ZNF460: variants seen among roughly 807,000 people sequenced by gnomAD.
The protein encoded by ZNF460 is zinc finger protein 272.
ZNF460 carries 1 observed loss-of-function variant against 8.4 expected under a neutral mutation model. The ratio of observed to expected loss-of-function variants is 0.12; its 90% CI spans 0.04 to 0.56. ZNF460 has a LOEUF of 0.56. Among genes scored for constraint, ZNF460 ranks in the 20% least tolerant of loss-of-function variants. The pLI, the probability that ZNF460 is intolerant of heterozygous loss-of-function variation, is 0.91. For synonymous variants in ZNF460, 262 were observed against 259.9 expected, an observed-to-expected ratio of 1.01 and a Z score of -0.08; for missense variants, 477 against 714.8, an observed-to-expected ratio of 0.67 and a Z score of 3.79.
At chr19:57,290,152 C>T (rs1378734434) in intron 2 of ZNF460, among the ~76,000 whole-genome samples, 1 of 151,372 alleles carries the variant, frequency 6.6e-6, no homozygotes, top group Non-Finnish European at 1.5e-5. Flanking sequence ...AAAAAATAAA[C>T]AAAAAAAAGC....
Position 57,292,235 on chromosome 19 carries a change from T to C in ZNF460, c.*5T>C, listed in dbSNP as rs574950289. Reference sequence around the variant, plus strand: ...GAAGAAACCCTACCATTGTAACAGATGTGGAAAGACTTTTTACGTACACTT... The same window carrying C: ...GAAGAAACCCTACCATTGTAACAGACGTGGAAAGACTTTTTACGTACACTT... On this transcript the variant is annotated 3_prime_UTR_variant, in exon 3 of 3. Transcript: ENST00000360338. 2.5e-6 allele frequency: 4 copies of C among 1,603,166 alleles called. No individual in the cohort carries two copies. In the Admixed American group the frequency reaches 6.8e-5, roughly 27 times the overall value.
intron 1 of ZNF460, among the ~76,000 whole-genome samples, chr19:57,283,256 G>A (rs1357938351): frequency 6.6e-6 from 1 of 151,242 alleles, no homozygotes. Flanking sequence ...TGCAACCATC[G>A]CCTCCGACGT....
intron 1 of ZNF460, among the ~76,000 whole-genome samples, chr19:57,281,602 G>T (rs1297797212): frequency 1.1e-5 from 1 of 91,534 alleles, no homozygotes; most frequent in East Asian, 3.4e-4. Context: ...GTCTTGTTCT[G>T]TCGCCCAGGC....
At position 57,293,631 on chromosome 19, in the gene ZNF460, C is replaced by T. The variant is rs1233721999; in HGVS notation, c.*1401C>T. 1 of 152,156 alleles carries T rather than the reference C, an allele frequency of 6.6e-6. No individual in the cohort carries two copies. The allele number at this position is 152,156 out of a possible 1,614,324, so 9.4% of individuals were successfully genotyped here. ...ATTTCTTTGTGTTTAGAAACATTCA[C>T]AGTCTGCTTTTCTAGCTATTTGAAA... On this transcript the variant is annotated 3_prime_UTR_variant, in exon 3 of 3. Transcript: ENST00000360338.
chr19:57,284,017 A>G (rs2087861145), intron 1 of ZNF460, among the ~76,000 whole-genome samples: 1 of 151,850 alleles, frequency 6.6e-6, no homozygotes, highest in African/African-American at 2.4e-5. Context: ...CACAGGGAGG[A>G]TTGGTAAGAC....
rs1406571118 is a variant in ZNF460, at chr19:57,292,165, A to G, written c.1624A>G (p.Ile542Val). The G allele has an allele frequency of 7.4e-6, 12 of 1,614,088 alleles. No individual in the cohort carries two copies. The highest frequency in any genetic ancestry group is 5.5e-5 in the South Asian group (5 of 91,086). Reference sequence around the variant, plus strand: ...TGCAGTGAATATGGAAACGCCTTCAATTGCCGCTCATTCCTCCTCACTCGA... The same window carrying G: ...TGCAGTGAATATGGAAACGCCTTCAGTTGCCGCTCATTCCTCCTCACTCGA... ...VSAVNMETPS[I>V]AAHSSSLDIN... The change falls in exon 3 of 3, where the codon ATT becomes GTT. Residue 542 changes from isoleucine to valine, a missense_variant. Transcript: ENST00000360338.
chr19:57,283,992 A>G (rs976868333), intron 1 of ZNF460, among the ~76,000 whole-genome samples: 20 of 152,058 alleles, frequency 1.3e-4, no homozygotes, highest in Admixed American at 7.9e-4. Context: ...TAAACCTGTC[A>G]GCATGAGGCA....
At chr19:57,280,071 G>C (rs2087824858), upstream of ZNF460, 1 of 152,294 alleles carries the variant, frequency 6.6e-6, no homozygotes, top group Non-Finnish European at 1.5e-5. Flanking sequence ...TCTATGAAAA[G>C]ATCCAGAAAA....
In ZNF460 at chr19:57,291,928, C is replaced by T. The variant is rs2087920685; in HGVS notation, c.1387C>T (p.Leu463=). ...CGKAFCRTTN[L]IRHFSIHTGE... ...GAAAGCCTTTTGTCGGACCACAAAC[C>T]TGATTCGACACTTTAGCATCCACAC... Residue 463 remains leucine (L), a synonymous_variant, in exon 3 of 3, where the codon CTG becomes TTG. Transcript: ENST00000360338. This position sits in a 1 kb window ranked among gnomAD's most constrained non-coding sequence, Gnocchi z 8.4. 1.9e-6 allele frequency: 3 copies of T among 1,613,942 alleles called. No homozygotes were observed. The highest frequency in any genetic ancestry group is 3.3e-5 in the Admixed American group (2 of 59,992).
rs570684228 is a variant in ZNF460 at position 57,280,643 on chromosome 19, G to T, written c.-164G>T. ...CCCACCGGCGCCCGCCGAGGCCTAG[G>T]CCTCCGCAGCCGCCCTCCGTCTCCT... On this transcript the variant is annotated 5_prime_UTR_variant, in exon 1 of 3. Coordinates refer to ENST00000360338, the MANE Select transcript of ZNF460 (RefSeq NM_006635.4). The T allele has an allele frequency of 3.9e-5, 39 of 1,001,568 alleles. No individual in the cohort carries two copies. Among genetic ancestry groups the T allele is most frequent in the Admixed American group, 1.8e-4 (7 of 37,974 alleles). The allele number at this position is 1,001,568 out of a possible 1,614,324, so 62.0% of individuals were successfully genotyped here. A position where few individuals can be genotyped will look rare whatever the true frequency, so the allele number is the denominator to read the frequency against.
In ZNF460 at chr19:57,292,535, C is replaced by A; in HGVS notation, c.*305C>A. The A allele has an allele frequency of 3.8e-6, 1 of 259,796 alleles. No homozygotes were observed. The highest frequency in any genetic ancestry group is 7.4e-6 in the Non-Finnish European group (1 of 135,208). 16.1% of individuals were successfully genotyped at this position (259,796 alleles called of 1,614,324 possible). ...ACTGTGCACTTAGGAAAACCTTCAGCCACATCTTTCTTATTAGTTTACAGT... is the reference window on the plus strand; with the variant it reads ...ACTGTGCACTTAGGAAAACCTTCAGACACATCTTTCTTATTAGTTTACAGT... On this transcript the variant is annotated 3_prime_UTR_variant, in exon 3 of 3. Coordinates refer to ENST00000360338, the MANE Select transcript of ZNF460 (RefSeq NM_006635.4).
chr19:57,287,956 T>C (rs1000184005), intron 2 of ZNF460, among the ~76,000 whole-genome samples: 2 of 152,022 alleles, frequency 1.3e-5, no homozygotes, highest in African/African-American at 4.8e-5. Flanking sequence ...ACCACTGTAC[T>C]CCAGACTGGA....
At chr19:57,290,598 C>A in intron 2 of ZNF460, 101 bp from the exon 3 acceptor site, 1 of 1,178,266 alleles carries the variant, frequency 8.5e-7, no homozygotes. Context: ...TAGCTATTTT[C>A]AAATCATCAC....
rs1372233586 is a variant in ZNF460, at chr19:57,292,025, A to G, written c.1484A>G (p.Gln495Arg). Residue 495 changes from glutamine to arginine, a missense_variant, in exon 3 of 3, where the codon CAG (glutamine) becomes CGG (arginine). Gln to Arg is a conservative substitution (Grantham distance 43). Coordinates refer to ENST00000360338, the MANE Select transcript of ZNF460 (RefSeq NM_006635.4). ...FNRRSPLTRH[Q>R]RIHTAEKSHE... is the part of the protein sequence containing the mutation. Reference sequence around the variant, plus strand: ...CGCAGGTCACCCCTCACAAGGCACCAGCGGATTCACACTGCAGAGAAGTCC... The same window carrying G: ...CGCAGGTCACCCCTCACAAGGCACCGGCGGATTCACACTGCAGAGAAGTCC... 7 of 1,614,124 alleles carry G rather than the reference A, an allele frequency of 4.3e-6. No individual in the cohort carries two copies. The highest frequency in any genetic ancestry group is 5.1e-6 in the Non-Finnish European group (6 of 1,180,048).
chr19:57,280,507 G>C lies in ZNF460; in HGVS notation c.-300G>C, dbSNP rs562999896. ...CCTGAAACAGTGTGGGGCCTAGAGC[G>C]CTGGGTGGGCGCGTTCTGCGGCCTG... On this transcript the variant is annotated 5_prime_UTR_variant, in exon 1 of 3. Coordinates refer to ENST00000360338, the MANE Select transcript of ZNF460 (RefSeq NM_006635.4). 8.1e-4 allele frequency: 389 copies of C among 482,912 alleles called. 1 individual carries two copies. Among genetic ancestry groups the C allele is most frequent in the African/African-American group, 5.6e-3 (283 of 50,642 alleles). 29.9% of individuals were successfully genotyped at this position (482,912 alleles called of 1,614,324 possible).
rs935070067 is a variant in ZNF460, at chr19:57,280,645, C to G, written c.-162C>G. 2.8e-6 allele frequency: 3 copies of G among 1,060,630 alleles called. No individual in the cohort carries two copies. Among genetic ancestry groups the G allele is most frequent in the South Asian group, 1.6e-5 (1 of 62,322 alleles). The allele number at this position is 1,060,630 out of a possible 1,614,324, so 65.7% of individuals were successfully genotyped here. A position where few individuals can be genotyped will look rare whatever the true frequency, so the allele number is the denominator to read the frequency against. On this transcript the variant is annotated 5_prime_UTR_variant, in exon 1 of 3. Coordinates refer to ENST00000360338, the MANE Select transcript of ZNF460 (RefSeq NM_006635.4). ...CACCGGCGCCCGCCGAGGCCTAGGC[C>G]TCCGCAGCCGCCCTCCGTCTCCTCA...
chr19:57,284,623 A>C lies in ZNF460; in HGVS notation c.103A>C (p.Arg35=), dbSNP rs138122053. 348 of 1,613,556 alleles carry C rather than the reference A, an allele frequency of 2.2e-4. 1 individual carries two copies. In the Middle Eastern group the frequency reaches 7.3e-3, roughly 34 times the overall value. Residue 35 remains arginine (R), a synonymous_variant, in exon 2 of 3, where the codon AGG becomes CGG. Transcript: ENST00000360338. The part of the protein sequence containing the change: ...EEWGQLDVTQ[R]ALYVEVMLET... ...GTGGGGGCAGTTGGACGTGACCCAG[A>C]GGGCCTTGTACGTGGAGGTGATGCT...
chr19:57,287,925 G>A (rs1212968493), intron 2 of ZNF460, among the ~76,000 whole-genome samples: 1 of 152,026 alleles, frequency 6.6e-6, no homozygotes, highest in African/African-American at 2.4e-5. Context: ...GGAGGTGGAG[G>A]TTGCAGTGAG....
Position 57,280,500 on chromosome 19 carries a change from C to G in ZNF460, c.-307C>G, listed in dbSNP as rs370496380. The G allele has an allele frequency of 2.1e-6, 1 of 472,614 alleles. No homozygotes were observed. The highest frequency in any genetic ancestry group is 3.8e-6 in the Non-Finnish European group (1 of 259,896). 29.3% of individuals were successfully genotyped at this position (472,614 alleles called of 1,614,324 possible). A position where few individuals can be genotyped will look rare whatever the true frequency, so the allele number is the denominator to read the frequency against. On this transcript the variant is annotated 5_prime_UTR_variant, in exon 1 of 3. Transcript: ENST00000360338. Reference sequence around the variant, plus strand: ...GTTTGGCCCTGAAACAGTGTGGGGCCTAGAGCGCTGGGTGGGCGCGTTCTG... The same window carrying G: ...GTTTGGCCCTGAAACAGTGTGGGGCGTAGAGCGCTGGGTGGGCGCGTTCTG...
Sources: gnomAD v4.1 joint callset for allele counts (sites outside exome capture counted in the v4.1 genomes callset) on GRCh38, gnomAD v4.1.1 for gene constraint, Gnocchi (gnomAD v3.1) non-coding constraint, MANE v1.5 for transcripts, NCBI Gene and HGNC (gene_info 2026-07-23, HGNC 2026-07-21) for gene names.